The following ST7 variants were observed in gnomAD, a reference collection of about 807,000 sequenced individuals.
ST7 encodes the protein suppression of tumorigenicity 7.
In ST7, 28 loss-of-function variants were observed where a neutral mutation model predicts 78.7. That is an observed-to-expected ratio of 0.36 (90% confidence interval 0.26 to 0.49). The LOEUF (loss-of-function observed/expected upper bound fraction) is 0.49, where lower values mean the gene tolerates loss of function less well. Ranked by LOEUF, ST7 falls within the 20% of genes least tolerant of loss-of-function variation. The pLI, the probability that ST7 is intolerant of heterozygous loss-of-function variation, is 0.99. For missense variants in ST7, 418 were observed against 696.0 expected (o/e 0.60, Z 4.49); for synonymous variants, 247 against 249.6 (o/e 0.99, Z 0.10).
At chr7:117,164,809 C>T (rs1378110010) in intron 9 of ST7, among the ~76,000 whole-genome samples, 1 of 124,824 alleles carries the variant, frequency 8.0e-6, no homozygotes, top group East Asian at 2.7e-4. Context: ...CCAGCACTAA[C>T]TTGGCTGAAT....
intron 1 of ST7, among the ~76,000 whole-genome samples, chr7:117,012,707 T>C (rs1795436807): frequency 6.6e-6 from 1 of 152,172 alleles, no homozygotes. Flanking sequence ...TAAGATAATC[T>C]ATCTAGTATG....
At chr7:117,142,261 A>G (rs888110284) in intron 9 of ST7, among the ~76,000 whole-genome samples, 1 of 152,072 alleles carries the variant, frequency 6.6e-6, no homozygotes, top group Non-Finnish European at 1.5e-5. Context: ...ACTGTCATGG[A>G]TAAACTAATA....
intron 10 of ST7, among the ~76,000 whole-genome samples, chr7:117,186,573 G>A (rs996648224): frequency 1.3e-5 from 2 of 152,220 alleles, no homozygotes; most frequent in African/African-American, 2.4e-5. Context: ...TCAGACTGCA[G>A]TTGACTGTGG....
chr7:117,184,663 G>A (rs1252368229), intron 10 of ST7, among the ~76,000 whole-genome samples: 1 of 152,128 alleles, frequency 6.6e-6, no homozygotes, highest in Non-Finnish European at 1.5e-5. Context: ...TAGCACCAGG[G>A]AGTTCCTCTG....
intron 1 of ST7, among the ~76,000 whole-genome samples, chr7:116,999,641 A>G (rs1794829656): frequency 6.6e-6 from 1 of 152,152 alleles, no homozygotes; most frequent in Admixed American, 6.5e-5. Context: ...GAAGGGAAAG[A>G]AAGGTTAGTC....
At chr7:117,067,278 A>C (rs999975223) in intron 1 of ST7, among the ~76,000 whole-genome samples, 4 of 151,998 alleles carry the variant, frequency 2.6e-5, no homozygotes, top group African/African-American at 9.7e-5. Context: ...TTGCTGGATC[A>C]TGTGATAACT....
chr7:117,064,188 GT>G (rs11321009), intron 1 of ST7, among the ~76,000 whole-genome samples: 24,925 of 151,390 alleles, frequency 0.16, 2,447 homozygotes, highest in Non-Finnish European at 0.23. Flanking sequence ...CATGGGAAAA[GT>G]TTTTTTTCTT....
intron 1 of ST7, among the ~76,000 whole-genome samples, chr7:117,015,843 G>A (rs1245498085): frequency 1.3e-5 from 2 of 152,120 alleles, no homozygotes; most frequent in Admixed American, 6.5e-5. Context: ...ACTAAAGAAC[G>A]AAGAATTGGA....
chr7:117,171,964 A>C (rs1424527331), intron 10 of ST7, among the ~76,000 whole-genome samples: 3 of 129,484 alleles, frequency 2.3e-5, no homozygotes, highest in Non-Finnish European at 4.7e-5. Flanking sequence ...TTTTTTTTTA[A>C]GAGAGATAGG....
Position 117,189,400 on chromosome 7 carries a change from G to T in ST7, c.1151+7G>T. ...CAAGAGCTGTCTCTGACAAGTAAGT[G>T]AATAATAGTTTGCGCGGTACTAATG... On this transcript the variant is annotated splice_region_variant and intron_variant, in intron 11 of 15. Transcript: ENST00000323984. The T allele has an allele frequency of 6.3e-7, 1 of 1,596,660 alleles. No homozygotes were observed. Among genetic ancestry groups the T allele is most frequent in the South Asian group, 1.1e-5 (1 of 88,284 alleles).
At chr7:117,149,082 T>G (rs1243036262) in intron 9 of ST7, among the ~76,000 whole-genome samples, 2 of 152,166 alleles carry the variant, frequency 1.3e-5, no homozygotes, top group East Asian at 1.9e-4. Context: ...CATATCCTTC[T>G]TCCTGGACCG....
In ST7 at chr7:117,043,432, C is replaced by CT. The variant is rs569094660; in HGVS notation, c.152-56329dup. Among the ~76,000 whole-genome samples, 17 of 152,240 alleles carry CT rather than the reference C, an allele frequency of 1.1e-4. No individual in the cohort carries two copies. The East Asian group carries it at 3.3e-3, about 29-fold the overall frequency. On this transcript the variant is annotated intron_variant, in intron 1 of 15. Transcript: ENST00000323984. Reference sequence around the variant, plus strand: ...CCATTGTGGCCTAAGAATATTCTGTCTGCTATTTGAAGAAGTCATGTTTGA... The same window carrying CT: ...CCATTGTGGCCTAAGAATATTCTGTCTTGCTATTTGAAGAAGTCATGTTTGA...
At chr7:117,183,423 TA>T (rs1206070788) in intron 10 of ST7, among the ~76,000 whole-genome samples, 124 of 142,278 alleles carry the variant, frequency 8.7e-4, no homozygotes, top group Non-Finnish European at 9.1e-4. Flanking sequence ...AAACTCTGTC[TA>T]AAAAAAAAAA....
intron 1 of ST7, among the ~76,000 whole-genome samples, chr7:117,043,484 A>G (rs1260981058): frequency 6.6e-6 from 1 of 152,248 alleles, no homozygotes; most frequent in Non-Finnish European, 1.5e-5. Flanking sequence ...AGGTCAAGAA[A>G]TATTTACTTG....
chr7:117,135,983 G>A, intron 7 of ST7, 98 bp from the exon 8 acceptor site: 2 of 1,359,096 alleles, frequency 1.5e-6, no homozygotes, highest in Non-Finnish European at 1.0e-6. Context: ...CACTCTGCAT[G>A]TTTTGGCGTA....
intron 1 of ST7, among the ~76,000 whole-genome samples, chr7:116,978,711 G>A (rs951169362): frequency 4.6e-5 from 7 of 151,932 alleles, no homozygotes; most frequent in Admixed American, 2.0e-4. Flanking sequence ...CTCAGCCTCC[G>A]AGTAGCTGGG....
intron 12 of ST7, among the ~76,000 whole-genome samples, chr7:117,203,389 G>A (rs929653181): frequency 6.6e-6 from 1 of 152,220 alleles, no homozygotes; most frequent in African/African-American, 2.4e-5. Flanking sequence ...TGCTTGGCAT[G>A]TGTGTTAGTG....
chr7:116,981,897 G>A (rs1014386478), intron 1 of ST7, among the ~76,000 whole-genome samples: 2 of 152,224 alleles, frequency 1.3e-5, no homozygotes, highest in African/African-American at 4.8e-5. Flanking sequence ...GGTTACAAAA[G>A]TGAGTAATTA....
chr7:117,097,418 C>T (rs966084404), intron 1 of ST7, among the ~76,000 whole-genome samples: 12 of 151,624 alleles, frequency 7.9e-5, no homozygotes, highest in South Asian at 6.3e-4. Flanking sequence ...TTCCGCCTCC[C>T]GGGTTCAAAC....
Sources: allele counts gnomAD v4.1 joint callset (sites outside exome capture counted in the v4.1 genomes callset), GRCh38; gene constraint gnomAD v4.1.1; transcripts MANE v1.5; gene names NCBI Gene and HGNC (gene_info 2026-07-23, HGNC 2026-07-21).